ARAP2: variants seen among roughly 807,000 people sequenced by gnomAD.
The protein encoded by ARAP2 is arf-GAP with Rho-GAP domain, ANK repeat and PH domain-containing protein 2.
A neutral mutation model predicts 194.5 loss-of-function variants in ARAP2; 148 were observed. The observed-to-expected ratio is 0.76, with a 90% CI of 0.67 to 0.87. The LOEUF is 0.87. Among genes scored for constraint, ARAP2 ranks in the 40% least tolerant of loss-of-function variants. The pLI is 0.00. For synonymous variants in ARAP2, 695 were observed against 683.5 expected (o/e 1.02, Z -0.26); for missense variants, 2,128 against 1,989.7 (o/e 1.07, Z -1.32).
At chr4:36,193,350 G>C (rs1407983595) in intron 7 of ARAP2, among the ~76,000 whole-genome samples, 2 of 152,154 alleles carry the variant, frequency 1.3e-5, no homozygotes, top group Non-Finnish European at 1.5e-5. Flanking sequence ...ACAAAAAAGA[G>C]CATGTGGTTA....
intron 5 of ARAP2, among the ~76,000 whole-genome samples, chr4:36,041,148 T>C (rs905799136): frequency 6.6e-6 from 1 of 152,088 alleles, no homozygotes; most frequent in Non-Finnish European, 1.5e-5. Context: ...CCAAAAGCAA[T>C]TGCAACAAGG....
intron 5 of ARAP2, among the ~76,000 whole-genome samples, chr4:36,031,132 A>G (rs1036772946): frequency 1.3e-5 from 2 of 152,224 alleles, no homozygotes; most frequent in Admixed American, 6.5e-5. Context: ...CGTCTCAAAG[A>G]AAAAATAAAT....
intron 26 of ARAP2, among the ~76,000 whole-genome samples, chr4:36,112,071 CTCTG>C (rs780249659): frequency 4.6e-5 from 7 of 152,058 alleles, no homozygotes; most frequent in African/African-American, 1.7e-4. Flanking sequence ...AGGCAGAGAT[CTCTG>C]TCTATGTGCC....
intron 1 of ARAP2, among the ~76,000 whole-genome samples, chr4:36,241,330 A>G (rs1753459623): frequency 6.6e-6 from 1 of 152,150 alleles, no homozygotes. Context: ...TGGTTTAGCA[A>G]TTGTCAAAGT....
intron 13 of ARAP2, chr4:36,160,041 A>G (rs1733552129): frequency 1.0e-6 from 1 of 952,886 alleles, no homozygotes. Context: ...AATAAAAAAT[A>G]TTATTGACTT....
chr4:36,080,032 T>A (rs527676764), intron 31 of ARAP2, among the ~76,000 whole-genome samples, 184 bp downstream of exon 31: 1 of 152,236 alleles, frequency 6.6e-6, no homozygotes, highest in South Asian at 2.1e-4. Context: ...TTTCAAAAGG[T>A]AATGAATAAA....
intron 25 of ARAP2, among the ~76,000 whole-genome samples, chr4:36,115,175 A>G (rs1721019709): frequency 6.6e-6 from 1 of 152,038 alleles, no homozygotes; most frequent in Non-Finnish European, 1.5e-5. Context: ...CAAAAAACCT[A>G]TTTCACTGCA....
intron 27 of ARAP2, among the ~76,000 whole-genome samples, chr4:36,100,802 T>G (rs1396251260): frequency 1.3e-5 from 2 of 151,968 alleles, no homozygotes; most frequent in African/African-American, 4.8e-5. Context: ...TTTAGAACAC[T>G]AATGGGGGAG....
chr4:36,166,427 T>TA (rs1157700603), intron 10 of ARAP2, among the ~76,000 whole-genome samples: 3 of 152,064 alleles, frequency 2.0e-5, no homozygotes, highest in East Asian at 1.9e-4. Context: ...ATGAGATATA[T>TA]AAAAAAATGC....
chr4:36,017,490 T>G (rs868707199), intron 6 of ARAP2, among the ~76,000 whole-genome samples: 38 of 126,484 alleles, frequency 3.0e-4, no homozygotes, highest in Non-Finnish European at 4.7e-4. Flanking sequence ...GAGGAGTTAC[T>G]CTTTTACAAA....
intron 2 of ARAP2, among the ~76,000 whole-genome samples, chr4:36,218,231 A>T (rs1020629226): frequency 1.3e-5 from 2 of 152,196 alleles, no homozygotes; most frequent in Non-Finnish European, 2.9e-5. Flanking sequence ...AAAATTGAAT[A>T]GCACATGTTC....
rs138542117 is a variant in ARAP2 at position 36,179,678 on chromosome 4, A to G, written c.1679-1673T>C. ...GAGTAGTAAAAGCTTTCACAGGATG[A>G]AGGAGGAAGAGAAAGCAGAGCCCAG... is the stretch of plus-strand genomic sequence containing the variant. On this transcript the variant is annotated intron_variant, in intron 8 of 32. Transcript: ENST00000303965. 3.2e-4 allele frequency among the ~76,000 whole-genome samples: 49 copies of G among 152,352 alleles called. 1 individual carries two copies. Among genetic ancestry groups the G allele is most frequent in the Admixed American group, 9.8e-4 (15 of 15,298 alleles).
chr4:36,228,577 C>T lies in ARAP2; in HGVS notation c.905+5G>A. The T allele has an allele frequency of 5.1e-6, 8 of 1,570,642 alleles. No homozygotes were observed. The highest frequency in any genetic ancestry group is 6.9e-6 in the Non-Finnish European group (8 of 1,160,388). On this transcript the variant is annotated splice_donor_5th_base_variant and intron_variant, in intron 2 of 32. Coordinates refer to ENST00000303965, the MANE Select transcript of ARAP2 (RefSeq NM_015230.4). ...ATATTTACAGCTTATTGTAAAGATT[C>T]TTACCTCCCAGAAACTCCTTTTGTT... is the stretch of plus-strand genomic sequence containing the variant.
intron 17 of ARAP2, 123 bp from the exon 18 acceptor site, chr4:36,147,869 A>G (rs979946934): frequency 1.2e-6 from 1 of 835,422 alleles, no homozygotes; most frequent in African/African-American, 1.7e-5. Flanking sequence ...ATTCAAAGGT[A>G]ACACCAAATT....
At chr4:36,075,797 T>TG (rs1208901640) in intron 31 of ARAP2, among the ~76,000 whole-genome samples, 4 of 152,158 alleles carry the variant, frequency 2.6e-5, no homozygotes, top group Non-Finnish European at 5.9e-5. Flanking sequence ...CATGAGTGCC[T>TG]GCCAGTTGAT....
In ARAP2 at chr4:36,161,547, T is replaced by C; in HGVS notation, c.2177A>G (p.Gln726Arg). 2 of 1,609,410 alleles carry C rather than the reference T, an allele frequency of 1.2e-6. No individual in the cohort carries two copies. Among genetic ancestry groups the C allele is most frequent in the Non-Finnish European group, 1.7e-6 (2 of 1,176,616 alleles). ...CVVICKKCAGQHRSLGPKDSK... is the reference protein window; with the variant it reads ...CVVICKKCAGRHRSLGPKDSK... The stretch of plus-strand genomic sequence containing the variant: ...ATCTTTTGGTCCTAAAGATCTATGC[T>C]GTCCTAGAGTCAAAACACAATTGCA... The change falls in exon 12 of 33, where the codon CAG becomes CGG. Residue 726 changes from glutamine to arginine, a missense_variant. Transcript: ENST00000303965.
intron 19 of ARAP2, among the ~76,000 whole-genome samples, chr4:36,143,789 T>C (rs1728931856): frequency 1.3e-5 from 2 of 151,828 alleles, no homozygotes; most frequent in Admixed American, 1.3e-4. Context: ...ATTATTACTC[T>C]TCACTTTCAT....
chr4:36,106,250 A>G (rs1273923022), intron 27 of ARAP2, among the ~76,000 whole-genome samples: 5 of 151,988 alleles, frequency 3.3e-5, no homozygotes, highest in African/African-American at 7.2e-5. Context: ...GAGAAATCCT[A>G]TTGCAAACAT....
chr4:36,078,835 C>T (rs1029979304), intron 31 of ARAP2, among the ~76,000 whole-genome samples: 7 of 152,228 alleles, frequency 4.6e-5, no homozygotes, highest in Admixed American at 3.3e-4. Context: ...ATAGTCCCAA[C>T]TTTACCAAAA....
Sources: gnomAD v4.1 joint callset for allele counts (sites outside exome capture counted in the v4.1 genomes callset) on GRCh38, gnomAD v4.1.1 for gene constraint, MANE v1.5 for transcripts, NCBI Gene and HGNC (gene_info 2026-07-23, HGNC 2026-07-21) for gene names.